SMARCA4: variants seen among roughly 807,000 people sequenced by gnomAD.
SMARCA4 encodes SWI/SNF related BAF chromatin remodeling complex subunit ATPase 4.
SMARCA4 carries 31 observed loss-of-function variants against 193.9 expected under a neutral mutation model. The ratio of observed to expected loss-of-function variants is 0.16; its 90% confidence interval spans 0.12 to 0.22. The LOEUF (loss-of-function observed/expected upper bound fraction) is 0.22, where lower values mean the gene tolerates loss of function less well. Ranked by LOEUF, SMARCA4 falls within the 10% of genes least tolerant of loss-of-function variation. SMARCA4 has a pLI of 1.00. For missense variants in SMARCA4, 1,148 were observed against 2,296.0 expected, an observed-to-expected ratio of 0.50 and a Z score of 10.22; for synonymous variants, 942 against 933.1, an observed-to-expected ratio of 1.01 and a Z score of -0.17.
At chr19:11,046,222 C>CAAAAAAAA (rs574819439) in intron 30 of SMARCA4, among the ~76,000 whole-genome samples, 13 of 83,612 alleles carry the variant, frequency 1.6e-4, no homozygotes, top group African/African-American at 5.5e-4. Context: ...GACTCCGTCT[C>CAAAAAAAA]AAAAAAAAAA....
At chr19:10,995,993 C>T (rs1167393569) in intron 9 of SMARCA4, 13 of 626,360 alleles carry the variant, frequency 2.1e-5, no homozygotes, top group South Asian at 5.0e-5. Flanking sequence ...TGGCTGCTGG[C>T]GGGACTGTCT....
intron 30 of SMARCA4, among the ~76,000 whole-genome samples, chr19:11,046,506 C>T (rs529837960): frequency 2.4e-4 from 36 of 152,286 alleles, no homozygotes; most frequent in African/African-American, 6.0e-4. Flanking sequence ...GGAGTAACTA[C>T]GTTGGAATTA....
chr19:11,008,342 G>A, intron 14 of SMARCA4: 2 of 371,620 alleles, frequency 5.4e-6, no homozygotes, highest in South Asian at 2.1e-5. Context: ...TTCCAGCCTT[G>A]TGTGTCATCT....
chr19:10,974,168 T>C (rs967506401), intron 1 of SMARCA4, among the ~76,000 whole-genome samples: 4 of 152,170 alleles, frequency 2.6e-5, no homozygotes, highest in Admixed American at 1.3e-4. Context: ...GGGATCCGAT[T>C]GCTGGTTAGC....
intron 34 of SMARCA4, among the ~76,000 whole-genome samples, chr19:11,061,204 A>AATATATATATATATAT (rs55894159): frequency 6.6e-5 from 3 of 45,214 alleles, no homozygotes; most frequent in African/African-American, 3.4e-4. Context: ...AAAAAAAAAA[A>AATATATATATATATAT]ATATATATAT....
rs925534514 is a variant in SMARCA4, at chr19:10,984,606, G to A, written c.222+233G>A. 6.6e-6 allele frequency among the ~76,000 whole-genome samples: 1 copy of A among 152,240 alleles called. No individual in the cohort carries two copies. Among genetic ancestry groups the A allele is most frequent in the Non-Finnish European group, 1.5e-5 (1 of 68,032 alleles). On this transcript the variant is annotated intron_variant, in intron 2 of 34. Coordinates refer to ENST00000344626, the MANE Select transcript of SMARCA4 (RefSeq NM_003072.5). This position sits in a 1 kb window ranked among gnomAD's most constrained non-coding sequence, Gnocchi z 4.3. The stretch of plus-strand genomic sequence containing the variant: ...GGGCCCCGCGGGCACCTGCCCCACC[G>A]TTTCCCGCTCCCTTGCTTTCTGCAT...
rs148326835 is a variant in SMARCA4, at chr19:10,962,543, A to G, written c.-32+1369A>G. 1.9e-3 allele frequency among the ~76,000 whole-genome samples: 296 copies of G among 152,034 alleles called. 1 individual carries two copies. Among genetic ancestry groups the G allele is most frequent in the Non-Finnish European group, 3.6e-3 (246 of 67,968 alleles). On this transcript the variant is annotated intron_variant, in intron 1 of 34. Transcript: ENST00000344626. ...GGCCTCAAAATCAGGGAGGGTGTGT[A>G]GGATTGTATTTTGTTTTTGAGGCAG...
Position 11,058,462 on chromosome 19 carries a change from C to A in SMARCA4, c.4533+99C>A. The A allele has an allele frequency of 1.1e-6, 1 of 871,146 alleles. No individual in the cohort carries two copies. Among genetic ancestry groups the A allele is most frequent in the South Asian group, 1.4e-5 (1 of 72,374 alleles). 54.0% of individuals were successfully genotyped at this position (871,146 alleles called of 1,614,324 possible). ...AGCTGTGGTGTGTGGGCAGAATGACCAGAAACCACCTAGGCGGTGCCTTGG... is the reference window on the plus strand; with the variant it reads ...AGCTGTGGTGTGTGGGCAGAATGACAAGAAACCACCTAGGCGGTGCCTTGG... On this transcript the variant is annotated intron_variant, in intron 31 of 34. Transcript: ENST00000344626. The surrounding 1 kb of genome is among the most constrained non-coding windows in gnomAD (Gnocchi z 5.8).
Position 11,012,910 on chromosome 19 carries a change from C to T in SMARCA4, c.2275-39C>T, listed in dbSNP as rs746810945. On this transcript the variant is annotated intron_variant, in intron 15 of 34. Transcript: ENST00000344626. ...TGGGAGGACCCTCTGGTGTCCGACC[C>T]GGCCTTCAGTCCTGGCGTGGCCGCA... is the stretch of plus-strand genomic sequence containing the variant. 197 of 1,610,876 alleles carry T rather than the reference C, an allele frequency of 1.2e-4. 1 individual carries two copies. The highest frequency in any genetic ancestry group is 2.3e-4 in the South Asian group (21 of 90,970).
intron 30 of SMARCA4, among the ~76,000 whole-genome samples, chr19:11,047,323 C>T (rs927939284): frequency 3.9e-5 from 6 of 152,116 alleles, no homozygotes; most frequent in African/African-American, 2.4e-5. Flanking sequence ...TCCTTTGTCT[C>T]CTCCCTGTGG....
At position 10,986,143 on chromosome 19, in the gene SMARCA4, C is replaced by T. The variant is rs1326022698; in HGVS notation, c.356-46C>T. On this transcript the variant is annotated intron_variant, in intron 3 of 34. Coordinates refer to ENST00000344626, the MANE Select transcript of SMARCA4 (RefSeq NM_003072.5). This position sits in a 1 kb window ranked among gnomAD's most constrained non-coding sequence, Gnocchi z 6.7. The stretch of plus-strand genomic sequence containing the variant: ...TAGGGGGAAGAGGCTGTAAAAATCA[C>T]AGACATATGCTGCCGAGTGACCAGT... 2 of 1,503,238 alleles carry T rather than the reference C, an allele frequency of 1.3e-6. No individual in the cohort carries two copies. The highest frequency in any genetic ancestry group is 2.3e-5 in the East Asian group (1 of 44,364). The allele number at this position is 1,503,238 out of a possible 1,614,324, so 93.1% of individuals were successfully genotyped here.
chr19:10,969,157 T>C (rs967811692), intron 1 of SMARCA4, among the ~76,000 whole-genome samples: 2 of 152,246 alleles, frequency 1.3e-5, no homozygotes, highest in Non-Finnish European at 2.9e-5. Context: ...GCCTCCACCC[T>C]CTACCTCAAG....
chr19:10,971,405 T>C (rs1354398916), intron 1 of SMARCA4, among the ~76,000 whole-genome samples: 4 of 152,102 alleles, frequency 2.6e-5, no homozygotes, highest in Non-Finnish European at 5.9e-5. Context: ...CAGGCTACCA[T>C]AGAAGGAGTG....
At chr19:11,057,595 G>A (rs1191596611) in intron 30 of SMARCA4, among the ~76,000 whole-genome samples, 1 of 152,034 alleles carries the variant, frequency 6.6e-6, no homozygotes, top group Non-Finnish European at 1.5e-5. Context: ...CGGGTGTGGT[G>A]GCTGGCATCT....
At chr19:10,964,047 G>A (rs1040869518) in intron 1 of SMARCA4, among the ~76,000 whole-genome samples, 8 of 152,314 alleles carry the variant, frequency 5.3e-5, no homozygotes, top group African/African-American at 9.6e-5. Context: ...AATGTTGATC[G>A]TGCAGGCTTT....
rs2145785925 is a variant in SMARCA4 at position 10,986,579 on chromosome 19, A to G, written c.746A>G (p.Tyr249Cys). Residue 249 changes from tyrosine to cysteine, a missense_variant, in exon 4 of 35, where the codon TAC becomes TGC. Tyr to Cys is a radical substitution (Grantham distance 194). Transcript: ENST00000344626. This position sits in a 1 kb window ranked among gnomAD's most constrained non-coding sequence, Gnocchi z 6.7. The stretch of plus-strand genomic sequence containing the variant: ...GGTCCCGGCCCGGCACCTCCAAATT[A>G]CAGCAGGCCTCATGGTAAGACTGGC... ...GPGPGPAPPNYSRPHGMGGPN... is the reference protein window; with the variant it reads ...GPGPGPAPPNCSRPHGMGGPN... 1.3e-6 allele frequency: 2 copies of G among 1,536,334 alleles called. No individual in the cohort carries two copies. The highest frequency in any genetic ancestry group is 1.7e-6 in the Non-Finnish European group (2 of 1,146,638).
intron 11 of SMARCA4, among the ~76,000 whole-genome samples, chr19:11,002,482 AAAAT>A: frequency 6.6e-6 from 1 of 151,000 alleles, no homozygotes; most frequent in Non-Finnish European, 1.5e-5. Context: ...CCATCTCAAA[AAAAT>A]AAATAAATAA....
chr19:10,987,807 G>C lies in SMARCA4; in HGVS notation c.1001G>C (p.Gly334Ala), dbSNP rs2145818886. 6.2e-7 allele frequency: 1 copy of C among 1,604,448 alleles called. No individual in the cohort carries two copies. The highest frequency in any genetic ancestry group is 8.5e-7 in the Non-Finnish European group (1 of 1,176,326). The change falls in exon 6 of 35, where the codon GGG (glycine) becomes GCG (alanine). Residue 334 changes from glycine to alanine, a missense_variant. This residue lies in a region of SMARCA4 where 257 missense variants were observed against 276.5 expected (regional missense o/e 0.93). Transcript: ENST00000344626. This position sits in a 1 kb window ranked among gnomAD's most constrained non-coding sequence, Gnocchi z 5.3. ...PVMPPQTQSP[G>A]QPAQPAPMVP... is the part of the protein sequence containing the mutation. ...ATGCCACCGCAGACCCAGTCCCCCGGGCAGCCGGCCCAGCCCGCGCCCATG... is the reference window on the plus strand; with the variant it reads ...ATGCCACCGCAGACCCAGTCCCCCGCGCAGCCGGCCCAGCCCGCGCCCATG...
chr19:11,009,752 G>A (rs969505182), intron 14 of SMARCA4, among the ~76,000 whole-genome samples: 2 of 145,878 alleles, frequency 1.4e-5, no homozygotes, highest in African/African-American at 5.1e-5. Context: ...GCAGTGGCAC[G>A]ATCTCGGCTC....
Sources: gnomAD v4.1 joint callset for allele counts (sites outside exome capture counted in the v4.1 genomes callset) on GRCh38, gnomAD v4.1.1 for gene constraint, gnomAD v4.1.1 regional missense constraint, Gnocchi (gnomAD v3.1) non-coding constraint, MANE v1.5 for transcripts, NCBI Gene and HGNC (gene_info 2026-07-23, HGNC 2026-07-21) for gene names.